The following VPS35L variants were observed in gnomAD, a reference collection of about 807,000 sequenced individuals.
VPS35L encodes VPS35 endosomal protein-sorting factor-like.
VPS35L carries 83 observed loss-of-function variants against 133.0 expected under a neutral mutation model. The ratio of observed to expected loss-of-function variants is 0.62; its 90% CI spans 0.52 to 0.75. The LOEUF is 0.75. Ranked by LOEUF, VPS35L falls within the 30% of genes least tolerant of loss-of-function variation. The pLI is 0.00. For missense variants in VPS35L, 1,083 were observed against 1,206.8 expected (o/e 0.90, Z 1.52); for synonymous variants, 423 against 449.9 (o/e 0.94, Z 0.76).
chr16:19,665,630 AAAAC>A, intron 26 of VPS35L, among the ~76,000 whole-genome samples: 1 of 152,224 alleles, frequency 6.6e-6, no homozygotes, highest in East Asian at 1.9e-4. Context: ...GAACAGTGCT[AAAAC>A]AAACAGGAGT....
intron 12 of VPS35L, among the ~76,000 whole-genome samples, chr16:19,613,541 CT>C (rs1972792928): frequency 6.6e-6 from 1 of 152,154 alleles, no homozygotes; most frequent in South Asian, 2.1e-4. Context: ...CTGTGGCTTG[CT>C]TTTTTTATAT....
At position 19,587,117 on chromosome 16, in the gene VPS35L, C is replaced by T. The variant is rs187397284; in HGVS notation, c.640-4673C>T. Among the ~76,000 whole-genome samples, 530 of 150,658 alleles carry T rather than the reference C, an allele frequency of 3.5e-3. 5 individuals carry two copies. The highest frequency in any genetic ancestry group is 6.6e-3 in the Non-Finnish European group (446 of 67,398). On this transcript the variant is annotated intron_variant, in intron 7 of 30. Coordinates refer to ENST00000417362, the MANE Select transcript of VPS35L (RefSeq NM_020314.7). ...GAGAAAGAGAGAGAGAGAGAGAGAA[C>T]AGGGAGGTGACACAGGTTTTCAGAC... is the stretch of plus-strand genomic sequence containing the variant.
At chr16:19,603,977 C>T (rs1384127156) in intron 9 of VPS35L, among the ~76,000 whole-genome samples, 1 of 151,104 alleles carries the variant, frequency 6.6e-6, no homozygotes, top group Non-Finnish European at 1.5e-5. Flanking sequence ...GGTGATCCAC[C>T]CACCTTGGCC....
Position 19,616,026 on chromosome 16 carries a change from C to T in VPS35L, c.1024-88C>T, listed in dbSNP as rs541020216. 693 of 728,310 alleles carry T rather than the reference C, an allele frequency of 9.5e-4. 1 individual carries two copies. The highest frequency in any genetic ancestry group is 1.3e-3 in the Non-Finnish European group (620 of 463,776). The allele number at this position is 728,310 out of a possible 1,614,324, so 45.1% of individuals were successfully genotyped here. ...TCTGGACTTTTTCTGTGTCTATAAA[C>T]ATAGGTATATATATTTTTTAATTTC... is the stretch of plus-strand genomic sequence containing the variant. On this transcript the variant is annotated intron_variant, in intron 12 of 30. Coordinates refer to ENST00000417362, the MANE Select transcript of VPS35L (RefSeq NM_020314.7).
chr16:19,686,189 G>C (rs1975453280), intron 28 of VPS35L, among the ~76,000 whole-genome samples: 1 of 152,134 alleles, frequency 6.6e-6, no homozygotes, highest in Admixed American at 6.5e-5. Flanking sequence ...GCAGGTTGTG[G>C]GGGCTCCTTT....
At chr16:19,558,457 C>T (rs1388445266) in intron 1 of VPS35L, among the ~76,000 whole-genome samples, 2 of 152,220 alleles carry the variant, frequency 1.3e-5, no homozygotes, top group Non-Finnish European at 2.9e-5. Context: ...TTCTGGCTTG[C>T]GGGGTTCCCC....
intron 6 of VPS35L, among the ~76,000 whole-genome samples, chr16:19,580,239 G>A (rs893579132): frequency 1.7e-4 from 25 of 151,226 alleles, no homozygotes; most frequent in African/African-American, 4.1e-4. Flanking sequence ...TCAGCCTCCC[G>A]AGTAACTGGG....
In VPS35L at chr16:19,639,944, A is replaced by G; in HGVS notation, c.1699-71A>G. On this transcript the variant is annotated intron_variant, in intron 20 of 30. Transcript: ENST00000417362. This position sits in a 1 kb window ranked among gnomAD's most constrained non-coding sequence, Gnocchi z 4.1. ...TCTGCTTCTTTGAACTCCACAGAAAAAGAGACCCACAGATTCCTTCCTTCC... is the reference window on the plus strand; with the variant it reads ...TCTGCTTCTTTGAACTCCACAGAAAGAGAGACCCACAGATTCCTTCCTTCC... 1 of 1,348,470 alleles carries G rather than the reference A, an allele frequency of 7.4e-7. No homozygotes were observed. The highest frequency in any genetic ancestry group is 2.3e-5 in the East Asian group (1 of 43,326). The allele number at this position is 1,348,470 out of a possible 1,614,324, so 83.5% of individuals were successfully genotyped here.
At chr16:19,601,499 C>A in intron 8 of VPS35L, 165 bp from the exon 9 acceptor site, 1 of 628,638 alleles carries the variant, frequency 1.6e-6, no homozygotes, top group Non-Finnish European at 2.7e-6. Context: ...AAAAACAAAA[C>A]AAAAAAAATG....
rs1828689233 is a variant in VPS35L at position 19,701,145 on chromosome 16, T to C, written c.*669T>C. 1 of 152,352 alleles carries C rather than the reference T, an allele frequency of 6.6e-6. No homozygotes were observed. The highest frequency in any genetic ancestry group is 3.4e-3 in the Middle Eastern group (1 of 294). The allele number at this position is 152,352 out of a possible 1,614,324, so 9.4% of individuals were successfully genotyped here. ...GAGCATTTATGTTCATGACTGTTCA[T>C]TTAATTACTTCTGACTGTCTTCCTC... is the stretch of plus-strand genomic sequence containing the variant. On this transcript the variant is annotated 3_prime_UTR_variant, in exon 31 of 31. Transcript: ENST00000417362.
chr16:19,691,275 A>G lies in VPS35L; in HGVS notation c.2528-78A>G, dbSNP rs1975670443. On this transcript the variant is annotated intron_variant, in intron 28 of 30. Coordinates refer to ENST00000417362, the MANE Select transcript of VPS35L (RefSeq NM_020314.7). Reference sequence around the variant, plus strand: ...CTGCCATCTGCTGACTCGGTGTGACATGACACACGGCTGCCTCTCCCTGGC... The same window carrying G: ...CTGCCATCTGCTGACTCGGTGTGACGTGACACACGGCTGCCTCTCCCTGGC... The G allele has an allele frequency of 8.6e-6, 10 of 1,165,312 alleles. No individual in the cohort carries two copies. The Admixed American group carries it at 1.0e-4, about 12-fold the overall frequency. The allele number at this position is 1,165,312 out of a possible 1,614,324, so 72.2% of individuals were successfully genotyped here.
chr16:19,599,738 AT>A (rs1972323819), intron 8 of VPS35L, among the ~76,000 whole-genome samples: 1 of 152,070 alleles, frequency 6.6e-6, no homozygotes, highest in African/African-American at 2.4e-5. Flanking sequence ...CCTTCAGGAA[AT>A]TTTAATGTAG....
intron 3 of VPS35L, among the ~76,000 whole-genome samples, chr16:19,570,216 C>T (rs1971319616): frequency 6.6e-6 from 1 of 152,090 alleles, no homozygotes; most frequent in African/African-American, 2.4e-5. Context: ...CATGCACCAC[C>T]ATGCCCAGCT....
chr16:19,563,240 C>T (rs1971082149), intron 1 of VPS35L, among the ~76,000 whole-genome samples: 1 of 150,490 alleles, frequency 6.6e-6, no homozygotes. Context: ...GAGGCTGAGG[C>T]AGGAGGATCA....
intron 3 of VPS35L, 117 bp downstream of exon 3, chr16:19,569,708 AC>A: frequency 1.8e-6 from 2 of 1,129,334 alleles, no homozygotes; most frequent in Non-Finnish European, 2.4e-6. Context: ...TCACTCTGTC[AC>A]CCAGGCTGGA....
chr16:19,583,910 C>A (rs1052459255), intron 7 of VPS35L, among the ~76,000 whole-genome samples: 8 of 152,154 alleles, frequency 5.3e-5, no homozygotes, highest in Non-Finnish European at 1.2e-4. Flanking sequence ...GTTCTACTCT[C>A]CACTTCTATG....
At chr16:19,612,111 G>C (rs145101707) in intron 12 of VPS35L, among the ~76,000 whole-genome samples, 1,865 of 151,794 alleles carry the variant, frequency 0.012, 30 homozygotes, top group African/African-American at 0.042. Flanking sequence ...GCTAATTTTC[G>C]TATTTTTAGT....
rs536518136 is a variant in VPS35L, at chr16:19,570,219, G to A, written c.285+628G>A. On this transcript the variant is annotated intron_variant, in intron 3 of 30. Transcript: ENST00000417362. ...TGCTGGGACAGGCATGCACCACCAT[G>A]CCCAGCTAATTTTTGTGTTTTTTGG... is the stretch of plus-strand genomic sequence containing the variant. Among the ~76,000 whole-genome samples, 19 of 152,116 alleles carry A rather than the reference G, an allele frequency of 1.2e-4. No individual in the cohort carries two copies. In the South Asian group the frequency reaches 4.0e-3, roughly 32 times the overall value.
intron 14 of VPS35L, among the ~76,000 whole-genome samples, chr16:19,620,424 C>T (rs1246709758): frequency 6.6e-6 from 1 of 152,054 alleles, no homozygotes; most frequent in African/African-American, 2.4e-5. Flanking sequence ...TTTAATAATG[C>T]ATTATAGTTA....
Sources: allele counts gnomAD v4.1 joint callset (sites outside exome capture counted in the v4.1 genomes callset), GRCh38; gene constraint gnomAD v4.1.1; non-coding constraint Gnocchi (gnomAD v3.1); transcripts MANE v1.5; gene names NCBI Gene and HGNC (gene_info 2026-07-23, HGNC 2026-07-21).